Variants in EVC2 observed in about 807,000 individuals in gnomAD.
The protein encoded by EVC2 is EvC ciliary complex subunit 2, also known as limbin.
In EVC2, 148 loss-of-function variants were observed where a neutral mutation model predicts 149.3. The ratio of observed to expected loss-of-function variants is 0.99; its 90% CI spans 0.87 to 1.14. The LOEUF is 1.14. Ranked by LOEUF, EVC2 falls within the 50% of genes most tolerant of loss-of-function variation. The pLI is 0.00. For synonymous variants in EVC2, 776 were observed against 649.9 expected (o/e 1.19, Z -2.95); for missense variants, 1,854 against 1,627.3 (o/e 1.14, Z -2.40).
At chr4:5,658,339 C>T (rs1473204533) in intron 9 of EVC2, among the ~76,000 whole-genome samples, 1 of 152,146 alleles carries the variant, frequency 6.6e-6, no homozygotes, top group Non-Finnish European at 1.5e-5. Context: ...CTTCCCTGGG[C>T]TTCAAGTTTT....
rs1714981147 is a variant in EVC2, at chr4:5,613,125, T to C, written c.2829+2297A>G. On this transcript the variant is annotated intron_variant, in intron 16 of 21. Transcript: ENST00000344408. The surrounding 1 kb of genome is among the most constrained non-coding windows in gnomAD (Gnocchi z 4.6). The stretch of plus-strand genomic sequence containing the variant: ...CACTCAGACATTCATCCTGTGACTC[T>C]GCTCCAAGGGTGCTGGTGAGATGGC... Among the ~76,000 whole-genome samples the C allele has an allele frequency of 6.6e-6, 1 of 152,024 alleles. No individual in the cohort carries two copies.
At chr4:5,558,622 G>A (rs532604941), downstream of EVC2, among the ~76,000 whole-genome samples, 50 of 152,288 alleles carry the variant, frequency 3.3e-4, no homozygotes, top group Admixed American at 2.5e-3. Flanking sequence ...AAGCAATGCA[G>A]AATGTGTCAA....
intron 17 of EVC2, among the ~76,000 whole-genome samples, chr4:5,580,798 A>G (rs1245394800): frequency 1.3e-5 from 2 of 152,140 alleles, no homozygotes; most frequent in African/African-American, 2.4e-5. Context: ...TTAAAGACTG[A>G]ATTTGTCATG....
At chr4:5,594,183 T>C (rs1373639462) in intron 16 of EVC2, among the ~76,000 whole-genome samples, 1 of 152,158 alleles carries the variant, frequency 6.6e-6, no homozygotes. Context: ...CTCTGCAGAC[T>C]TAAATGTCCC....
chr4:5,534,749 A>G, the EVC2 span, among the ~76,000 whole-genome samples: 100 of 150,538 alleles, frequency 6.6e-4, 1 homozygote, highest in African/African-American at 2.2e-3. Context: ...CACCGGTGGA[A>G]GAGTTCTGAT....
chr4:5,669,602 C>T (rs1177473813), intron 7 of EVC2, among the ~76,000 whole-genome samples: 4 of 152,202 alleles, frequency 2.6e-5, no homozygotes, highest in African/African-American at 4.8e-5. Context: ...AGAACTCTCT[C>T]GTATGTTCCT....
At chr4:5,629,556 C>T (rs1262323256) in intron 11 of EVC2, among the ~76,000 whole-genome samples, 1 of 152,234 alleles carries the variant, frequency 6.6e-6, no homozygotes, top group African/African-American at 2.4e-5. Context: ...GTGGAAATAT[C>T]ACCCATACAA....
intron 21 of EVC2, among the ~76,000 whole-genome samples, chr4:5,554,266 C>G (rs1269834457): frequency 6.6e-6 from 1 of 152,164 alleles, no homozygotes; most frequent in Non-Finnish European, 1.5e-5. Context: ...TATAGCGTCA[C>G]AGCTGTGACC....
At chr4:5,591,131 A>G (rs534156955) in intron 16 of EVC2, among the ~76,000 whole-genome samples, 10 of 152,318 alleles carry the variant, frequency 6.6e-5, no homozygotes, top group African/African-American at 1.7e-4. Flanking sequence ...ATGAAGCTCA[A>G]TGACACTTGT....
Position 5,625,796 on chromosome 4 carries a change from G to A in EVC2, c.1999C>T (p.Leu667Phe). The A allele has an allele frequency of 6.2e-7, 1 of 1,614,102 alleles. No homozygotes were observed. Among genetic ancestry groups the A allele is most frequent in the Non-Finnish European group, 8.5e-7 (1 of 1,180,028 alleles). ...CTCTTAGTTATTAATTTTTGGTGGAGCTTTTTCTTTTCCTGCTTTAAGTCA... is the reference window on the plus strand; with the variant it reads ...CTCTTAGTTATTAATTTTTGGTGGAACTTTTTCTTTTCCTGCTTTAAGTCA... ...DNDLKQEKKK[L>F]HQKLITKRRR... is the part of the protein sequence containing the mutation. The change falls in exon 13 of 22, where the codon CTC becomes TTC. Residue 667 changes from leucine (L) to phenylalanine (F), a missense_variant. Leu to Phe is a conservative substitution (Grantham distance 22). Coordinates refer to ENST00000344408, the MANE Select transcript of EVC2 (RefSeq NM_147127.5). This position sits in a 1 kb window ranked among gnomAD's most constrained non-coding sequence, Gnocchi z 4.0.
chr4:5,634,331 C>T (rs1577186663), intron 10 of EVC2, among the ~76,000 whole-genome samples: 1 of 152,336 alleles, frequency 6.6e-6, no homozygotes, highest in South Asian at 2.1e-4. Flanking sequence ...GACCCTGAGT[C>T]TGGGCACCGC....
chr4:5,564,670 C>T (rs1035178973), intron 21 of EVC2, among the ~76,000 whole-genome samples: 1 of 152,232 alleles, frequency 6.6e-6, no homozygotes, highest in Non-Finnish European at 1.5e-5. Context: ...GCTGGAATCA[C>T]AGAAGACATT....
In EVC2 at chr4:5,686,428, A is replaced by C. The variant is rs1236043795; in HGVS notation, c.707-949T>G. ...TAAAGATAATGGCAGTGACAATGAC[A>C]ATGACGGGGAAAGAAGTCATAGTCA... On this transcript the variant is annotated intron_variant, in intron 5 of 21. Transcript: ENST00000344408. This position sits in a 1 kb window ranked among gnomAD's most constrained non-coding sequence, Gnocchi z 5.4. Among the ~76,000 whole-genome samples, 2 of 152,162 alleles carry C rather than the reference A, an allele frequency of 1.3e-5. No individual in the cohort carries two copies. The highest frequency in any genetic ancestry group is 3.9e-4 in the East Asian group (2 of 5,190).
Position 5,625,634 on chromosome 4 carries a change from C to T in EVC2, c.2046+115G>A. The stretch of plus-strand genomic sequence containing the variant: ...GTAGATGGCACATCATGGTGCCTGC[C>T]CAGCTGCCCTTCTGATCCTAGTTCA... On this transcript the variant is annotated intron_variant, in intron 13 of 21. Transcript: ENST00000344408. This position sits in a 1 kb window ranked among gnomAD's most constrained non-coding sequence, Gnocchi z 4.0. 7.2e-7 allele frequency: 1 copy of T among 1,385,802 alleles called. No individual in the cohort carries two copies. The allele number at this position is 1,385,802 out of a possible 1,614,324, so 85.8% of individuals were successfully genotyped here. A position where few individuals can be genotyped will look rare whatever the true frequency, so the allele number is the denominator to read the frequency against.
intron 9 of EVC2, among the ~76,000 whole-genome samples, chr4:5,652,086 C>G (rs1368535430): frequency 1.7e-4 from 26 of 152,190 alleles, no homozygotes; most frequent in Non-Finnish European, 5.9e-5. Flanking sequence ...GTGACCCAAC[C>G]GAGTTCACTG....
At chr4:5,665,494 C>T (rs778283949) in intron 8 of EVC2, 21 bp downstream of exon 8, 5 of 1,613,840 alleles carry the variant, frequency 3.1e-6, no homozygotes, top group Admixed American at 3.3e-5. Context: ...ACCTTCCAAA[C>T]CACCCTCAGG....
chr4:5,649,116 C>A (rs1717932912), intron 9 of EVC2, among the ~76,000 whole-genome samples: 1 of 152,220 alleles, frequency 6.6e-6, no homozygotes, highest in South Asian at 2.1e-4. Context: ...TTTTGGGTTA[C>A]ACATGCTGGG....
chr4:5,630,488 T>C (rs1402391985), intron 11 of EVC2, among the ~76,000 whole-genome samples: 1 of 152,252 alleles, frequency 6.6e-6, no homozygotes, highest in Non-Finnish European at 1.5e-5. Flanking sequence ...CATTCTGCTA[T>C]GGGTGGAATC....
chr4:5,547,615 C>T (rs1216109431), intron 21 of EVC2, among the ~76,000 whole-genome samples: 1 of 152,160 alleles, frequency 6.6e-6, no homozygotes, highest in African/African-American at 2.4e-5. Context: ...TCAGGATGAC[C>T]AGCTGCAGAG....
Sources: gnomAD v4.1 joint callset for allele counts (sites outside exome capture counted in the v4.1 genomes callset) on GRCh38, gnomAD v4.1.1 for gene constraint, Gnocchi (gnomAD v3.1) non-coding constraint, MANE v1.5 for transcripts, NCBI Gene and HGNC (gene_info 2026-07-23, HGNC 2026-07-21) for gene names.